Variants in ITGA4 observed in about 807,000 individuals in gnomAD.
ITGA4 encodes the protein integrin subunit alpha 4, also known as integrin alpha-4.
A neutral mutation model predicts 133.6 loss-of-function variants in ITGA4; 63 were observed. The ratio of observed to expected loss-of-function variants is 0.47; its 90% CI spans 0.38 to 0.58. The LOEUF is 0.58. Ranked by LOEUF, ITGA4 falls within the 20% of genes least tolerant of loss-of-function variation. ITGA4 has a pLI of 0.00. For missense variants in ITGA4, 1,076 were observed against 1,252.7 expected, an observed-to-expected ratio of 0.86 and a Z score of 2.13; for synonymous variants, 483 against 438.0, an observed-to-expected ratio of 1.10 and a Z score of -1.28.
chr2:181,465,548 TAGAC>T (rs1282802714), intron 2 of ITGA4, among the ~76,000 whole-genome samples: 3 of 152,162 alleles, frequency 2.0e-5, no homozygotes, highest in Admixed American at 1.3e-4. Flanking sequence ...GTTTCAAAGA[TAGAC>T]AAAGTGGCAT....
Position 181,536,543 on chromosome 2 carries a change from C to CTTTACAAGTATAAGTGACAAGTATAAGTG in ITGA4, c.*1032_*1033insACAAGTATAAGTGTTTACAAGTATAAGTG, listed in dbSNP as rs1559061536. On this transcript the variant is annotated 3_prime_UTR_variant, in exon 28 of 28. Coordinates refer to ENST00000397033, the MANE Select transcript of ITGA4 (RefSeq NM_000885.6). Reference sequence around the variant, plus strand: ...TCCTTGGATGTAATTCTTTGTTACCCTTTACAAGTATAAGTGTTACCTTAC... The same window carrying CTTTACAAGTATAAGTGACAAGTATAAGTG: ...TCCTTGGATGTAATTCTTTGTTACCCTTTACAAGTATAAGTGACAAGTATAAGTGTTTACAAGTATAAGTGTTACCTTAC... The CTTTACAAGTATAAGTGACAAGTATAAGTG allele has an allele frequency of 6.4e-6, 1 of 156,600 alleles. No homozygotes were observed. The highest frequency in any genetic ancestry group is 1.9e-4 in the East Asian group (1 of 5,292). 9.7% of individuals were successfully genotyped at this position (156,600 alleles called of 1,614,324 possible).
At chr2:181,462,914 G>C (rs1685321154) in intron 2 of ITGA4, among the ~76,000 whole-genome samples, 1 of 152,136 alleles carries the variant, frequency 6.6e-6, no homozygotes, top group Non-Finnish European at 1.5e-5. Flanking sequence ...TGTTCATTGA[G>C]GGATGCCTAA....
chr2:181,466,691 AAT>A (rs1221068504), intron 2 of ITGA4, among the ~76,000 whole-genome samples: 1 of 152,174 alleles, frequency 6.6e-6, no homozygotes, highest in African/African-American at 2.4e-5. Flanking sequence ...TACATAGTTT[AAT>A]ATAGTCAATT....
chr2:181,524,156 G>T lies in ITGA4; in HGVS notation c.2170-15G>T. On this transcript the variant is annotated splice_polypyrimidine_tract_variant and intron_variant, in intron 19 of 27. Coordinates refer to ENST00000397033, the MANE Select transcript of ITGA4 (RefSeq NM_000885.6). The stretch of plus-strand genomic sequence containing the variant: ...AGATTTTTTTTAATGGGCTTTCCTG[G>T]TCTGTGTTTTACAGATAGATATTAG... The T allele has an allele frequency of 6.4e-7, 1 of 1,555,124 alleles. No individual in the cohort carries two copies. Among genetic ancestry groups the T allele is most frequent in the Non-Finnish European group, 8.7e-7 (1 of 1,144,874 alleles).
intron 17 of ITGA4, among the ~76,000 whole-genome samples, chr2:181,519,529 G>C (rs35944998): frequency 0.048 from 7,336 of 152,220 alleles, 260 homozygotes; most frequent in East Asian, 0.14. Flanking sequence ...AGTTACATTA[G>C]AGTTATAAAA....
intron 17 of ITGA4, among the ~76,000 whole-genome samples, chr2:181,513,618 T>A (rs1273066357): frequency 2.0e-5 from 3 of 152,092 alleles, no homozygotes; most frequent in Admixed American, 2.0e-4. Flanking sequence ...ACACATGTGA[T>A]AACAGTGCTT....
At chr2:181,460,572 T>TGA (rs1685251293) in intron 2 of ITGA4, among the ~76,000 whole-genome samples, 1 of 145,504 alleles carries the variant, frequency 6.9e-6, no homozygotes, top group Admixed American at 6.7e-5. Flanking sequence ...GAAGAGTGTG[T>TGA]GTGTGTGTGT....
chr2:181,489,364 A>T (rs908820749), intron 10 of ITGA4, among the ~76,000 whole-genome samples: 1 of 131,286 alleles, frequency 7.6e-6, no homozygotes, highest in African/African-American at 2.9e-5. Flanking sequence ...TTTGGCAAAA[A>T]TTTAGTGTAA....
At chr2:181,517,345 A>T (rs983701238) in intron 17 of ITGA4, among the ~76,000 whole-genome samples, 4 of 152,022 alleles carry the variant, frequency 2.6e-5, no homozygotes, top group African/African-American at 9.7e-5. Flanking sequence ...CTTGGGGAGC[A>T]TTTCTTGCAA....
At chr2:181,461,583 A>G (rs906904082) in intron 2 of ITGA4, among the ~76,000 whole-genome samples, 2 of 152,194 alleles carry the variant, frequency 1.3e-5, no homozygotes, top group African/African-American at 4.8e-5. Flanking sequence ...TAATGACTCA[A>G]TTAATATAGT....
At chr2:181,531,840 C>CAT (rs1686952382) in intron 25 of ITGA4, 64 bp downstream of exon 25, 1 of 1,263,876 alleles carries the variant, frequency 7.9e-7, no homozygotes, top group East Asian at 2.5e-5. Context: ...TAAATTCAGT[C>CAT]ATATAGGCAG....
intron 1 of ITGA4, 150 bp from the exon 2 acceptor site, chr2:181,458,046 G>C: frequency 1.6e-6 from 2 of 1,221,182 alleles, no homozygotes; most frequent in Non-Finnish European, 2.3e-6. Context: ...GTGCGTTATG[G>C]TGCAAGGTCT....
chr2:181,512,269 A>C (rs1413757987), intron 17 of ITGA4, among the ~76,000 whole-genome samples: 1 of 152,096 alleles, frequency 6.6e-6, no homozygotes, highest in African/African-American at 2.4e-5. Context: ...GGCAAGTGAA[A>C]GAAGGGAAGA....
chr2:181,479,322 A>G (rs1323543513), intron 5 of ITGA4: 1 of 152,042 alleles, frequency 6.6e-6, no homozygotes, highest in Non-Finnish European at 1.5e-5. Context: ...ATGAAAGGGC[A>G]CAGTTGTACT....
At chr2:181,522,661 T>C (rs538720245) in intron 18 of ITGA4, among the ~76,000 whole-genome samples, 25 of 152,268 alleles carry the variant, frequency 1.6e-4, no homozygotes, top group South Asian at 1.2e-3. Context: ...ACAAGTAACA[T>C]TGATCCTCCA....
At chr2:181,481,772 TAAGGA>T in intron 7 of ITGA4, 89 bp downstream of exon 7, 1 of 499,000 alleles carries the variant, frequency 2.0e-6, no homozygotes. Context: ...GTGAATGTTG[TAAGGA>T]AAGAAAGATT....
chr2:181,526,219 G>T lies in ITGA4; in HGVS notation c.2339+928G>T, dbSNP rs959534242. 3.9e-5 allele frequency among the ~76,000 whole-genome samples: 6 copies of T among 152,068 alleles called. No individual in the cohort carries two copies. In the South Asian group the frequency reaches 1.2e-3, roughly 32 times the overall value. ...TAAAAAGTTCATTGCGTGTTTCCTGGTTTTCAGTGTTTATCTTGCCACTCC... is the reference window on the plus strand; with the variant it reads ...TAAAAAGTTCATTGCGTGTTTCCTGTTTTTCAGTGTTTATCTTGCCACTCC... On this transcript the variant is annotated intron_variant, in intron 21 of 27. Coordinates refer to ENST00000397033, the MANE Select transcript of ITGA4 (RefSeq NM_000885.6).
intron 15 of ITGA4, among the ~76,000 whole-genome samples, chr2:181,504,222 T>A (rs1011160571): frequency 6.6e-6 from 1 of 152,054 alleles, no homozygotes; most frequent in African/African-American, 2.4e-5. Context: ...GGCCTTCGCA[T>A]GTTTTATTAA....
At chr2:181,520,944 T>A (rs1237413223) in intron 17 of ITGA4, among the ~76,000 whole-genome samples, 2 of 152,146 alleles carry the variant, frequency 1.3e-5, no homozygotes, top group African/African-American at 4.8e-5. Context: ...CTGTCTTTAA[T>A]CAATTCACAA....
Sources: allele counts gnomAD v4.1 joint callset (sites outside exome capture counted in the v4.1 genomes callset), GRCh38; gene constraint gnomAD v4.1.1; transcripts MANE v1.5; gene names NCBI Gene and HGNC (gene_info 2026-07-23, HGNC 2026-07-21).